The following TSPAN15 variants were observed in gnomAD, a reference collection of about 807,000 sequenced individuals.
The protein encoded by TSPAN15 is tetraspanin-15.
Under a neutral mutation model 34.5 loss-of-function variants are expected in TSPAN15, and 20 were observed. That is an observed-to-expected ratio of 0.58 (90% CI 0.41 to 0.84). The LOEUF (loss-of-function observed/expected upper bound fraction) is 0.84, where lower values mean the gene tolerates loss of function less well. TSPAN15 is among the 40% of genes least tolerant of loss of function. The pLI, the probability that TSPAN15 is intolerant of heterozygous loss-of-function variation, is 0.00. For missense variants in TSPAN15, 313 were observed against 386.1 expected, an observed-to-expected ratio of 0.81 and a Z score of 1.59; for synonymous variants, 155 against 153.9, an observed-to-expected ratio of 1.01 and a Z score of -0.05.
In TSPAN15 at chr10:69,505,995, G is replaced by T. The variant is rs1842317136; in HGVS notation, c.619-129G>T. The T allele has an allele frequency of 5.8e-6, 4 of 691,344 alleles. 1 individual carries two copies. Among genetic ancestry groups the T allele is most frequent in the South Asian group, 5.3e-5 (3 of 56,344 alleles). The allele number at this position is 691,344 out of a possible 1,614,324, so 42.8% of individuals were successfully genotyped here. A position where few individuals can be genotyped will look rare whatever the true frequency, so the allele number is the denominator to read the frequency against. On this transcript the variant is annotated intron_variant, in intron 6 of 7. Coordinates refer to ENST00000373290, the MANE Select transcript of TSPAN15 (RefSeq NM_012339.5). ...GAATCTAGGGTCACCTTCTCATGCTGCATATGGGAAACTGAGGATCACAGC... is the reference window on the plus strand; with the variant it reads ...GAATCTAGGGTCACCTTCTCATGCTTCATATGGGAAACTGAGGATCACAGC...
chr10:69,546,045 T>G, the TSPAN15 span, among the ~76,000 whole-genome samples: 1 of 151,714 alleles, frequency 6.6e-6, no homozygotes, highest in African/African-American at 2.4e-5. Context: ...GGTGGCCGAG[T>G]TTACCTTGTA....
chr10:69,476,310 G>A (rs1452182581), intron 1 of TSPAN15, among the ~76,000 whole-genome samples: 1 of 152,158 alleles, frequency 6.6e-6, no homozygotes, highest in Admixed American at 6.6e-5. Context: ...CCAGGCATAT[G>A]TAGAACCTTA....
intron 3 of TSPAN15, among the ~76,000 whole-genome samples, chr10:69,486,242 T>G (rs532411366): frequency 3.4e-4 from 52 of 152,250 alleles, no homozygotes; most frequent in African/African-American, 1.2e-3. Flanking sequence ...CATAATCTTC[T>G]TCCTTGTCCT....
chr10:69,499,753 T>G (rs764563743), intron 5 of TSPAN15, among the ~76,000 whole-genome samples: 3 of 152,158 alleles, frequency 2.0e-5, no homozygotes, highest in Non-Finnish European at 2.9e-5. Context: ...TTTGGGATAC[T>G]GAGAAAGGCG....
intron 1 of TSPAN15, among the ~76,000 whole-genome samples, chr10:69,482,813 C>T (rs1246327623): frequency 6.6e-6 from 1 of 152,182 alleles, no homozygotes; most frequent in Non-Finnish European, 1.5e-5. Flanking sequence ...CCCATCTATA[C>T]TCTCCTCTAA....
At chr10:69,471,973 T>G (rs1352533978) in intron 1 of TSPAN15, among the ~76,000 whole-genome samples, 1 of 152,178 alleles carries the variant, frequency 6.6e-6, no homozygotes, top group Non-Finnish European at 1.5e-5. Flanking sequence ...TTGATGGATA[T>G]CATCATAAAC....
chr10:69,469,074 G>A, intron 1 of TSPAN15, among the ~76,000 whole-genome samples: 1 of 149,136 alleles, frequency 6.7e-6, no homozygotes, highest in African/African-American at 2.5e-5. Flanking sequence ...GAGGGTGGGG[G>A]TGGGGGTTGG....
chr10:69,477,596 G>A (rs1197605649), intron 1 of TSPAN15, among the ~76,000 whole-genome samples: 2 of 152,208 alleles, frequency 1.3e-5, no homozygotes, highest in Non-Finnish European at 2.9e-5. Context: ...CCAGGGCCCC[G>A]TTTCAAGAGC....
rs562309020 is a variant in TSPAN15 at position 69,506,381 on chromosome 10, G to T, written c.735+141G>T. 5 of 742,014 alleles carry T rather than the reference G, an allele frequency of 6.7e-6. No homozygotes were observed. The South Asian group carries it at 8.7e-5, about 13-fold the overall frequency. The allele number at this position is 742,014 out of a possible 1,614,324, so 46.0% of individuals were successfully genotyped here. On this transcript the variant is annotated intron_variant, in intron 7 of 7. Coordinates refer to ENST00000373290, the MANE Select transcript of TSPAN15 (RefSeq NM_012339.5). This position sits in a 1 kb window ranked among gnomAD's most constrained non-coding sequence, Gnocchi z 4.7. The stretch of plus-strand genomic sequence containing the variant: ...GAGGGCTGCATGGCTGGAAGGAGGG[G>T]CAAATGGCAATAGCAGTCGTGGCGA...
Position 69,507,095 on chromosome 10 carries a change from C to A in TSPAN15, c.*117C>A. ...TGCCCACACTCAGTACTGACCAAAG[C>A]CAGGGCTGTGTGTGCCTGTGTGTAG... is the stretch of plus-strand genomic sequence containing the variant. On this transcript the variant is annotated 3_prime_UTR_variant, in exon 8 of 8. Transcript: ENST00000373290. 2 of 1,501,382 alleles carry A rather than the reference C, an allele frequency of 1.3e-6. No individual in the cohort carries two copies. The highest frequency in any genetic ancestry group is 1.8e-6 in the Non-Finnish European group (2 of 1,127,196). The allele number at this position is 1,501,382 out of a possible 1,614,324, so 93.0% of individuals were successfully genotyped here.
chr10:69,544,075 C>T, the TSPAN15 span, among the ~76,000 whole-genome samples: 27 of 152,176 alleles, frequency 1.8e-4, no homozygotes, highest in African/African-American at 6.0e-4. Flanking sequence ...AATCAGGCTT[C>T]CTCCCTGTGG....
chr10:69,477,239 A>C (rs959439334), intron 1 of TSPAN15, among the ~76,000 whole-genome samples: 3 of 151,958 alleles, frequency 2.0e-5, no homozygotes, highest in Admixed American at 6.6e-5. Context: ...GGTTCAAGTG[A>C]TTCTCCTGCC....
intron 1 of TSPAN15, among the ~76,000 whole-genome samples, chr10:69,469,514 T>G (rs2133084350): frequency 6.6e-6 from 1 of 152,196 alleles, no homozygotes; most frequent in South Asian, 2.1e-4. Context: ...GTGCAGTGGC[T>G]TGATCTTGGC....
rs575815954 is a variant in TSPAN15, at chr10:69,483,113, C to T, written c.97-578C>T. Among the ~76,000 whole-genome samples, 10 of 152,174 alleles carry T rather than the reference C, an allele frequency of 6.6e-5. No homozygotes were observed. The East Asian group carries it at 1.4e-3, about 21-fold the overall frequency. ...ACGCCATTCTCCTGCCTCAGCCTCCCGAATAGCTGGGACTACAGGTGCCCG... is the reference window on the plus strand; with the variant it reads ...ACGCCATTCTCCTGCCTCAGCCTCCTGAATAGCTGGGACTACAGGTGCCCG... On this transcript the variant is annotated intron_variant, in intron 1 of 7. Transcript: ENST00000373290.
intron 1 of TSPAN15, among the ~76,000 whole-genome samples, chr10:69,479,966 G>A (rs919008341): frequency 6.6e-6 from 1 of 152,218 alleles, no homozygotes; most frequent in Non-Finnish European, 1.5e-5. Context: ...CTTTTCCCAT[G>A]GGGTTTATGG....
chr10:69,539,403 GGAAGAGGAAGAGGAAGAAGAAGA>G, the TSPAN15 span, among the ~76,000 whole-genome samples: 36 of 80,972 alleles, frequency 4.4e-4, 1 homozygote, highest in Middle Eastern at 6.7e-3. Context: ...AGGAAGAAGA[GGAAGAGGAAGAGGAAGAAGAAGA>G]AAGAAGAAGA....
chr10:69,473,250 C>T (rs1841542988), intron 1 of TSPAN15, among the ~76,000 whole-genome samples: 1 of 152,112 alleles, frequency 6.6e-6, no homozygotes, highest in Non-Finnish European at 1.5e-5. Flanking sequence ...GCCTTGATCT[C>T]CTGGGCTCAA....
chr10:69,477,482 C>T (rs963312440), intron 1 of TSPAN15, among the ~76,000 whole-genome samples: 5 of 152,250 alleles, frequency 3.3e-5, no homozygotes, highest in Non-Finnish European at 5.9e-5. Context: ...GCAGCACCAG[C>T]GAGAGATGCT....
chr10:69,452,415 T>A (rs1248465352), intron 1 of TSPAN15, among the ~76,000 whole-genome samples: 1 of 152,230 alleles, frequency 6.6e-6, no homozygotes, highest in Non-Finnish European at 1.5e-5. Context: ...ATCGTTCCAA[T>A]TTCAGTTTGT....
Sources: allele counts gnomAD v4.1 joint callset (sites outside exome capture counted in the v4.1 genomes callset), GRCh38; gene constraint gnomAD v4.1.1; non-coding constraint Gnocchi (gnomAD v3.1); transcripts MANE v1.5; gene names NCBI Gene and HGNC (gene_info 2026-07-23, HGNC 2026-07-21).